PLEKHA5: variants seen among roughly 807,000 people sequenced by gnomAD.
PLEKHA5 encodes the protein pleckstrin homology domain containing A5.
PLEKHA5 carries 55 observed loss-of-function variants against 181.9 expected under a neutral mutation model. The observed-to-expected ratio is 0.30, with a 90% CI of 0.24 to 0.38. The LOEUF (loss-of-function observed/expected upper bound fraction) is 0.38, where lower values mean the gene tolerates loss of function less well. Ranked by LOEUF, PLEKHA5 falls within the 10% of genes least tolerant of loss-of-function variation. The probability of loss-of-function intolerance (pLI) is 1.00; values close to 1 mark genes in which losing one functional copy is unlikely to be tolerated. For missense variants in PLEKHA5, 1,432 were observed against 1,549.5 expected, an observed-to-expected ratio of 0.92 and a Z score of 1.27; for synonymous variants, 535 against 529.4, an observed-to-expected ratio of 1.01 and a Z score of -0.15.
At chr12:19,201,236 G>A (rs2054104928) in intron 3 of PLEKHA5, 1 of 152,042 alleles carries the variant, frequency 6.6e-6, no homozygotes, top group African/African-American at 2.4e-5. Flanking sequence ...TAGCCAGTGA[G>A]CACATGAAAA....
At position 19,255,061 on chromosome 12, in the gene PLEKHA5, A is replaced by G; in HGVS notation, c.328A>G (p.Thr110Ala). 1 of 1,606,950 alleles carries G rather than the reference A, an allele frequency of 6.2e-7. No homozygotes were observed. The highest frequency in any genetic ancestry group is 2.2e-5 in the East Asian group (1 of 44,780). Residue 110 changes from threonine (T) to alanine (A), a missense_variant, in exon 5 of 32, where the codon ACA (threonine) becomes GCA (alanine). Thr to Ala is a moderately conservative substitution (Grantham distance 58, BLOSUM62 0). Around this residue, in one of 2 missense-constraint regions of PLEKHA5, gnomAD observed 289 missense variants for 381.1 expected, o/e 0.76. Coordinates refer to ENST00000429027, the MANE Select transcript of PLEKHA5 (RefSeq NM_001256470.2). ...TATTTTCAGGACTGTTGCAACCATG[A>G]CATCTGAAGAAAAGAAGGAACGGCC... ...VVNEQTVATM[T>A]SEEKKERPIS...
At chr12:19,301,797 T>C (rs1039988150) in intron 15 of PLEKHA5, among the ~76,000 whole-genome samples, 12 of 152,208 alleles carry the variant, frequency 7.9e-5, no homozygotes, top group Admixed American at 2.0e-4. Context: ...CCTTCAGTTA[T>C]AAAGAGACTT....
chr12:19,225,387 G>T (rs2059551582), intron 3 of PLEKHA5, among the ~76,000 whole-genome samples: 1 of 152,064 alleles, frequency 6.6e-6, no homozygotes, highest in South Asian at 2.1e-4. Context: ...TTAATTTTCT[G>T]TCTCTTTTTT....
intron 29 of PLEKHA5, among the ~76,000 whole-genome samples, chr12:19,362,863 C>T (rs1329754422): frequency 6.6e-6 from 1 of 152,054 alleles, no homozygotes; most frequent in African/African-American, 2.4e-5. Context: ...GCAGTCGGCC[C>T]TCCATATTCA....
intron 3 of PLEKHA5, among the ~76,000 whole-genome samples, chr12:19,145,376 C>T (rs2038646792): frequency 1.3e-5 from 2 of 152,026 alleles, no homozygotes; most frequent in Admixed American, 6.6e-5. Flanking sequence ...CAGTAAAGTC[C>T]TCTTTTATGA....
chr12:19,132,360 G>T, intron 2 of PLEKHA5, 33 bp from the exon 3 acceptor site: 1 of 1,021,644 alleles, frequency 9.8e-7, no homozygotes, highest in Non-Finnish European at 1.5e-6. Context: ...TATCATTGAA[G>T]TAATACTAAT....
At chr12:19,359,690 G>A (rs1000462764) in intron 28 of PLEKHA5, 144 bp downstream of exon 28, 12 of 793,150 alleles carry the variant, frequency 1.5e-5, no homozygotes, top group Admixed American at 1.4e-4. Flanking sequence ...CTGGCCGGGC[G>A]CGGTGGCTCA....
intron 3 of PLEKHA5, among the ~76,000 whole-genome samples, chr12:19,218,100 G>T (rs141383640): frequency 6.6e-6 from 1 of 152,128 alleles, no homozygotes; most frequent in South Asian, 2.1e-4. Flanking sequence ...AGTTATTTCA[G>T]TAAATTAGAA....
chr12:19,228,818 T>A (rs1055928688), intron 3 of PLEKHA5, among the ~76,000 whole-genome samples: 8 of 152,308 alleles, frequency 5.3e-5, no homozygotes, highest in African/African-American at 1.9e-4. Flanking sequence ...AAATGCTTAT[T>A]TTATGGAAAA....
In PLEKHA5 at chr12:19,280,251, A is replaced by G. The variant is rs574522593; in HGVS notation, c.1314-3029A>G. Among the ~76,000 whole-genome samples the G allele has an allele frequency of 1.2e-4, 18 of 151,894 alleles. No individual in the cohort carries two copies. The East Asian group carries it at 3.1e-3, about 26-fold the overall frequency. ...GTTTTTGTAGAGACGGGATTTTGCT[A>G]TGTTGAACTCCTGACCTCAAGTGAT... On this transcript the variant is annotated intron_variant, in intron 11 of 31. Coordinates refer to ENST00000429027, the MANE Select transcript of PLEKHA5 (RefSeq NM_001256470.2).
intron 3 of PLEKHA5, among the ~76,000 whole-genome samples, chr12:19,249,138 G>C (rs189480553): frequency 2.6e-5 from 4 of 152,278 alleles, no homozygotes; most frequent in Admixed American, 1.3e-4. Flanking sequence ...TTTGAGGCCA[G>C]ACTGGGCAAC....
intron 3 of PLEKHA5, among the ~76,000 whole-genome samples, chr12:19,238,009 T>C: frequency 6.6e-6 from 1 of 152,160 alleles, no homozygotes; most frequent in East Asian, 1.9e-4. Flanking sequence ...TTGCTATTTC[T>C]CGCATAATTG....
In PLEKHA5 at chr12:19,361,650, G is replaced by A. The variant is rs1295202613; in HGVS notation, c.3552G>A (p.Val1184=). ...CTGAGCCAAATGGAGTAAATTCTGT[G>A]GAAATGATGGATAAAGAAAGAAACA... ...FEPEPNGVNS[V]EMMDKERNKD... The change falls in exon 29 of 32, where the codon GTG becomes GTA. Residue 1184 remains valine, a synonymous_variant. Coordinates refer to ENST00000429027, the MANE Select transcript of PLEKHA5 (RefSeq NM_001256470.2). 1.4e-5 allele frequency: 22 copies of A among 1,584,150 alleles called. No homozygotes were observed. The highest frequency in any genetic ancestry group is 1.8e-5 in the Non-Finnish European group (21 of 1,156,540).
At chr12:19,168,787 C>T (rs2045203804) in intron 3 of PLEKHA5, among the ~76,000 whole-genome samples, 1 of 152,010 alleles carries the variant, frequency 6.6e-6, no homozygotes, top group African/African-American at 2.4e-5. Flanking sequence ...GTCAGAAACA[C>T]AGTAAAAGGT....
intron 15 of PLEKHA5, chr12:19,306,575 G>A: frequency 1.3e-6 from 1 of 790,310 alleles, no homozygotes; most frequent in Admixed American, 1.7e-5. Flanking sequence ...CCCCAGCACT[G>A]CGGATCCGGG....
intron 20 of PLEKHA5, among the ~76,000 whole-genome samples, chr12:19,330,657 TA>T (rs1565625497): frequency 6.6e-6 from 1 of 152,130 alleles, no homozygotes; most frequent in Non-Finnish European, 1.5e-5. Context: ...ATCCTGAAGG[TA>T]AAATGAAAAA....
intron 15 of PLEKHA5, chr12:19,307,627 C>A: frequency 3.1e-6 from 1 of 325,768 alleles, no homozygotes; most frequent in South Asian, 3.5e-5. Flanking sequence ...AGGAGCAGAT[C>A]AAGAGAGTGA....
At chr12:19,179,733 T>C (rs1213344150) in intron 3 of PLEKHA5, among the ~76,000 whole-genome samples, 5 of 152,162 alleles carry the variant, frequency 3.3e-5, no homozygotes, top group Non-Finnish European at 7.4e-5. Flanking sequence ...TTCCCTGGTA[T>C]ATGGGGGAGA....
intron 20 of PLEKHA5, among the ~76,000 whole-genome samples, chr12:19,335,402 T>A (rs371647159): frequency 1.0e-3 from 157 of 151,346 alleles, no homozygotes; most frequent in African/African-American, 3.5e-3. Context: ...GCTCTTTATT[T>A]TTTTTCTTTT....
Sources: gnomAD v4.1 joint callset for allele counts (sites outside exome capture counted in the v4.1 genomes callset) on GRCh38, gnomAD v4.1.1 for gene constraint, gnomAD v4.1.1 regional missense constraint, MANE v1.5 for transcripts, NCBI Gene and HGNC (gene_info 2026-07-23, HGNC 2026-07-21) for gene names.